Variants in AUTS2 observed in about 807,000 individuals in gnomAD.
AUTS2 encodes the protein activator of transcription and developmental regulator AUTS2, also known as autism susceptibility gene 2 protein.
A neutral mutation model predicts 112.4 loss-of-function variants in AUTS2; 17 were observed. The observed-to-expected ratio is 0.15, with a 90% confidence interval of 0.10 to 0.23. AUTS2 has a LOEUF of 0.23. Ranked by LOEUF, AUTS2 falls within the 10% of genes least tolerant of loss-of-function variation. The pLI is 1.00. For missense variants in AUTS2, 1,510 were observed against 1,701.6 expected (o/e 0.89, Z 1.98); for synonymous variants, 751 against 702.7 (o/e 1.07, Z -1.09).
At chr7:69,716,279 A>G (rs2129208308) in intron 1 of AUTS2, among the ~76,000 whole-genome samples, 1 of 151,824 alleles carries the variant, frequency 6.6e-6, no homozygotes, top group Admixed American at 6.6e-5. Context: ...CAGCTCCTTT[A>G]AAAGCCCCAT....
At chr7:69,838,745 C>T (rs1213895413) in intron 1 of AUTS2, among the ~76,000 whole-genome samples, 1 of 152,148 alleles carries the variant, frequency 6.6e-6, no homozygotes, top group Non-Finnish European at 1.5e-5. Flanking sequence ...AACTTAGCTG[C>T]TGTGGTTTAA....
chr7:69,615,781 G>A lies in AUTS2; in HGVS notation c.309+15819G>A, dbSNP rs531052496. ...TGGCCATTGTAAAATGGTTAGTGCT[G>A]CATATAATTGCCTTTCCAATGATGT... On this transcript the variant is annotated intron_variant, in intron 1 of 18. Coordinates refer to ENST00000342771, the MANE Select transcript of AUTS2 (RefSeq NM_015570.4). Among the ~76,000 whole-genome samples the A allele has an allele frequency of 5.3e-5, 8 of 152,318 alleles. No individual in the cohort carries two copies. In the East Asian group the frequency reaches 7.7e-4, roughly 15 times the overall value.
chr7:69,668,073 G>GTGTATAGT (rs11282556), intron 1 of AUTS2, among the ~76,000 whole-genome samples: 107,597 of 151,320 alleles, frequency 0.71, 38,280 homozygotes, highest in East Asian at 0.78. Flanking sequence ...TGTTTAAATG[G>GTGTATAGT]TCAACAGATG....
rs942524451 is a variant in AUTS2 at position 70,766,677 on chromosome 7, C to G, written c.1689+343C>G. Among the ~76,000 whole-genome samples, 1 of 152,194 alleles carries G rather than the reference C, an allele frequency of 6.6e-6. No individual in the cohort carries two copies. Among genetic ancestry groups the G allele is most frequent in the Admixed American group, 6.5e-5 (1 of 15,282 alleles). On this transcript the variant is annotated intron_variant, in intron 9 of 18. Coordinates refer to ENST00000342771, the MANE Select transcript of AUTS2 (RefSeq NM_015570.4). This position sits in a 1 kb window ranked among gnomAD's most constrained non-coding sequence, Gnocchi z 4.8. ...GGACTGTCACCAGGCAGAAAATGCA[C>G]CTGCTTGTGCTTTGCATCAAGTGCT...
At position 70,290,325 on chromosome 7, in the gene AUTS2, A is replaced by T. The variant is rs138159000; in HGVS notation, c.661-145427A>T. 1.8e-4 allele frequency: 256 copies of T among 1,453,858 alleles called. 2 individuals are homozygous for T. In the African/African-American group the frequency reaches 3.2e-3, roughly 18 times the overall value. 90.1% of individuals were successfully genotyped at this position (1,453,858 alleles called of 1,614,324 possible). ...ACAGTATTATATCAGAGGGCATTTAACATTCTTTTGAATCATTTGAGATTT... is the reference window on the plus strand; with the variant it reads ...ACAGTATTATATCAGAGGGCATTTATCATTCTTTTGAATCATTTGAGATTT... On this transcript the variant is annotated intron_variant, in intron 4 of 18. Transcript: ENST00000342771.
At chr7:70,707,720 A>T (rs561204880) in intron 6 of AUTS2, among the ~76,000 whole-genome samples, 1 of 152,192 alleles carries the variant, frequency 6.6e-6, no homozygotes, top group African/African-American at 2.4e-5. Flanking sequence ...CAGAGTCGCC[A>T]TAGTTACTGC....
At chr7:70,091,863 A>G (rs1047058894) in intron 2 of AUTS2, among the ~76,000 whole-genome samples, 1 of 152,192 alleles carries the variant, frequency 6.6e-6, no homozygotes, top group Non-Finnish European at 1.5e-5. Context: ...TGCTAAGATG[A>G]TAGGTGTTCA....
chr7:69,634,602 G>A (rs1169285167), intron 1 of AUTS2, among the ~76,000 whole-genome samples: 1 of 152,188 alleles, frequency 6.6e-6, no homozygotes, highest in Non-Finnish European at 1.5e-5. Flanking sequence ...GACCCGAACT[G>A]TGAAGAGATT....
intron 2 of AUTS2, among the ~76,000 whole-genome samples, chr7:70,065,811 T>G (rs935154426): frequency 6.6e-6 from 1 of 152,154 alleles, no homozygotes; most frequent in South Asian, 2.1e-4. Context: ...TCTCAGGGAA[T>G]CCTCCCACCT....
intron 5 of AUTS2, among the ~76,000 whole-genome samples, chr7:70,647,805 G>T (rs17141927): frequency 6.6e-6 from 1 of 152,150 alleles, no homozygotes; most frequent in Non-Finnish European, 1.5e-5. Context: ...GACTGCATGC[G>T]CACATTTTGG....
intron 6 of AUTS2, among the ~76,000 whole-genome samples, chr7:70,703,732 CTG>C (rs1490071517): frequency 6.6e-6 from 1 of 152,164 alleles, no homozygotes; most frequent in African/African-American, 2.4e-5. Flanking sequence ...GTTTCAGTCT[CTG>C]TAAATTAGTT....
Position 70,464,836 on chromosome 7 carries a change from C to T in AUTS2, c.690+29055C>T, listed in dbSNP as rs552976203. 1.2e-4 allele frequency among the ~76,000 whole-genome samples: 19 copies of T among 152,206 alleles called. 1 individual carries two copies. The South Asian group carries it at 3.1e-3, about 25-fold the overall frequency. The stretch of plus-strand genomic sequence containing the variant: ...ATACCAGGATGAGAAATTTTCATGT[C>T]GGTTATTCTGGGATTTCTTTATTGT... On this transcript the variant is annotated intron_variant, in intron 5 of 18. Coordinates refer to ENST00000342771, the MANE Select transcript of AUTS2 (RefSeq NM_015570.4).
At chr7:70,333,816 G>A (rs146468790) in intron 4 of AUTS2, among the ~76,000 whole-genome samples, 3 of 152,242 alleles carry the variant, frequency 2.0e-5, no homozygotes, top group African/African-American at 4.8e-5. Flanking sequence ...GGGGGGTGGA[G>A]GGCTAGGGGA....
At chr7:70,255,566 A>G (rs1050360635) in intron 4 of AUTS2, among the ~76,000 whole-genome samples, 3 of 152,232 alleles carry the variant, frequency 2.0e-5, no homozygotes, top group African/African-American at 7.2e-5. Flanking sequence ...GACTGCTCTC[A>G]GATGTATTTT....
intron 4 of AUTS2, among the ~76,000 whole-genome samples, chr7:70,148,336 A>G (rs1387785689): frequency 1.3e-5 from 2 of 152,186 alleles, no homozygotes; most frequent in African/African-American, 2.4e-5. Context: ...TTAAGAAAAA[A>G]GAGAGCTTCC....
At chr7:70,587,288 G>C (rs991768323) in intron 5 of AUTS2, among the ~76,000 whole-genome samples, 1 of 152,224 alleles carries the variant, frequency 6.6e-6, no homozygotes, top group Non-Finnish European at 1.5e-5. Context: ...TGCTGCTCAG[G>C]CTGTTCCTGA....
At chr7:69,964,698 G>A (rs183689531) in intron 2 of AUTS2, among the ~76,000 whole-genome samples, 32 of 151,472 alleles carry the variant, frequency 2.1e-4, no homozygotes, top group Non-Finnish European at 3.7e-4. Flanking sequence ...TTTGGACTTA[G>A]GACAAACGGG....
intron 5 of AUTS2, among the ~76,000 whole-genome samples, chr7:70,625,516 C>T (rs531511720): frequency 1.3e-5 from 2 of 152,338 alleles, no homozygotes; most frequent in East Asian, 1.9e-4. Flanking sequence ...TATTCTTTTA[C>T]TGTCAACTTT....
rs577029390 is a variant in AUTS2 at position 70,072,202 on chromosome 7, C to T, written c.523-45930C>T. On this transcript the variant is annotated intron_variant, in intron 2 of 18. Coordinates refer to ENST00000342771, the MANE Select transcript of AUTS2 (RefSeq NM_015570.4). ...CCTCCGTGATCCCTGCCAGCCCCTC[C>T]TTTCTTATTATAGCTGATCATGGCA... Among the ~76,000 whole-genome samples, 5 of 152,282 alleles carry T rather than the reference C, an allele frequency of 3.3e-5. No homozygotes were observed. The South Asian group carries it at 1.0e-3, about 32-fold the overall frequency.
Sources: allele counts gnomAD v4.1 joint callset (sites outside exome capture counted in the v4.1 genomes callset), GRCh38; gene constraint gnomAD v4.1.1; non-coding constraint Gnocchi (gnomAD v3.1); transcripts MANE v1.5; gene names NCBI Gene and HGNC (gene_info 2026-07-23, HGNC 2026-07-21).